Variants in GAK observed in about 807,000 individuals in gnomAD.
GAK encodes cyclin G associated kinase, also known as cyclin-G-associated kinase.
A neutral mutation model predicts 143.9 loss-of-function variants in GAK; 79 were observed. The ratio of observed to expected loss-of-function variants is 0.55; its 90% CI spans 0.46 to 0.66. The LOEUF (loss-of-function observed/expected upper bound fraction) is 0.66. Ranked by LOEUF, GAK falls within the 30% of genes least tolerant of loss-of-function variation. The pLI is 0.00. For missense variants in GAK, 1,693 were observed against 1,779.7 expected (o/e 0.95, Z 0.88); for synonymous variants, 881 against 765.5 (o/e 1.15, Z -2.49).
intron 14 of GAK, 46 bp downstream of exon 14, chr4:882,651 T>C (rs1187353740): frequency 1.3e-6 from 2 of 1,599,340 alleles, no homozygotes; most frequent in Non-Finnish European, 1.7e-6. Flanking sequence ...CATGAAATAA[T>C]GAACTTTGAC....
intron 11 of GAK, chr4:886,337 C>T (rs1463986199): frequency 1.3e-5 from 2 of 152,200 alleles, no homozygotes; most frequent in African/African-American, 4.8e-5. Context: ...CCATGGGTCC[C>T]AGCAGAGCCA....
At chr4:927,997 T>C (rs912180479) in intron 1 of GAK, among the ~76,000 whole-genome samples, 2 of 152,224 alleles carry the variant, frequency 1.3e-5, no homozygotes, top group Non-Finnish European at 2.9e-5. Flanking sequence ...GCTGGTGCCC[T>C]CAGTCACAAG....
chr4:855,180 C>G (rs1335019051), intron 24 of GAK, among the ~76,000 whole-genome samples: 2 of 152,158 alleles, frequency 1.3e-5, no homozygotes, highest in East Asian at 1.9e-4. Context: ...CACAGGAGAA[C>G]GGCCACCTTA....
chr4:887,959 A>G (rs1716862710), intron 11 of GAK: 1 of 152,304 alleles, frequency 6.6e-6, no homozygotes, highest in Non-Finnish European at 1.5e-5. Flanking sequence ...TCACATGCAC[A>G]CATGCTCAAA....
intron 18 of GAK, among the ~76,000 whole-genome samples, chr4:874,494 C>G (rs1288966874): frequency 6.6e-6 from 1 of 152,064 alleles, no homozygotes; most frequent in Non-Finnish European, 1.5e-5. Flanking sequence ...ATATAGAATT[C>G]CCGTATTTTT....
chr4:931,848 C>T (rs928425579), intron 1 of GAK, among the ~76,000 whole-genome samples, 195 bp downstream of exon 1: 2 of 152,186 alleles, frequency 1.3e-5, no homozygotes, highest in African/African-American at 4.8e-5. Flanking sequence ...CTCACCTACG[C>T]CCGCGCTATG....
At chr4:914,838 A>C (rs1412301539) in intron 1 of GAK, among the ~76,000 whole-genome samples, 12 of 67,680 alleles carry the variant, frequency 1.8e-4, no homozygotes, top group African/African-American at 3.0e-4. Context: ...CACGGCCCCC[A>C]ACACAGATAG....
At chr4:893,612 G>C (rs1485648928) in intron 8 of GAK, 123 bp from the exon 9 acceptor site, 3 of 743,766 alleles carry the variant, frequency 4.0e-6, no homozygotes, top group Non-Finnish European at 6.2e-6. Context: ...GACGTCAGAA[G>C]CAAGAAGGGA....
chr4:902,994 C>T (rs1004651482), intron 5 of GAK, among the ~76,000 whole-genome samples: 1 of 152,212 alleles, frequency 6.6e-6, no homozygotes, highest in African/African-American at 2.4e-5. Flanking sequence ...ACCAGGCCAG[C>T]CAAAATCAAC....
rs112677741 is a variant in GAK, at chr4:854,018, G to A, written c.3284-2044C>T. ...TCTCCATGTTGGTCAGGCTGGTCGC[G>A]AACTCCCGACCTCAGGTGATCCGCC... On this transcript the variant is annotated intron_variant, in intron 24 of 27. Coordinates refer to ENST00000314167, the MANE Select transcript of GAK (RefSeq NM_005255.4). 6.6e-5 allele frequency among the ~76,000 whole-genome samples: 10 copies of A among 151,824 alleles called. No individual in the cohort carries two copies. The East Asian group carries it at 1.6e-3, about 24-fold the overall frequency.
chr4:849,833 G>GGGGGGGGGCCC, intron 27 of GAK, 59 bp from the exon 28 acceptor site: 3 of 1,190,154 alleles, frequency 2.5e-6, no homozygotes, highest in Non-Finnish European at 3.5e-6. Flanking sequence ...GGCGGGGCAG[G>GGGGGGGGGCCC]ACCCCCCCCC....
chr4:877,134 T>G lies in GAK; in HGVS notation c.1930A>C (p.Ile644Leu). The G allele has an allele frequency of 6.2e-7, 1 of 1,613,950 alleles. No individual in the cohort carries two copies. The highest frequency in any genetic ancestry group is 1.3e-5 in the African/African-American group (1 of 75,012). Residue 644 changes from isoleucine to leucine, a missense_variant, in exon 17 of 28, where the codon ATC becomes CTC. Around this residue, in one of 2 missense-constraint regions of GAK, gnomAD observed 871 missense variants for 991.0 expected, o/e 0.88. Transcript: ENST00000314167. Reference protein sequence around the residue: ...VTVQGDVLIVIYHARSTLGGR... With the variant: ...VTVQGDVLIVLYHARSTLGGR... ...CCCAGAGTGGACCGGGCGTGATAGA[T>G]GACGATGAGCACGTCTCCTTGCACC...
intron 18 of GAK, among the ~76,000 whole-genome samples, chr4:875,975 C>T (rs745397711): frequency 2.6e-5 from 4 of 152,218 alleles, no homozygotes; most frequent in East Asian, 1.9e-4. Flanking sequence ...AGAATCAGGA[C>T]GCCCGGGTGT....
In GAK at chr4:874,103, G is replaced by A. The variant is rs995603389; in HGVS notation, c.2054+2427C>T. ...TGGAGCTCCTGAAACACATTCACTC[G>A]GTTAATCCCCTCCTCGGCTGTGTGT... is the stretch of plus-strand genomic sequence containing the variant. On this transcript the variant is annotated intron_variant, in intron 18 of 27. Coordinates refer to ENST00000314167, the MANE Select transcript of GAK (RefSeq NM_005255.4). Among the ~76,000 whole-genome samples, 4 of 152,238 alleles carry A rather than the reference G, an allele frequency of 2.6e-5. No homozygotes were observed. In the South Asian group the frequency reaches 6.2e-4, roughly 24 times the overall value.
At position 849,591 on chromosome 4, in the gene GAK, C is replaced by T. The variant is rs1747689409; in HGVS notation, c.*82G>A. The T allele has an allele frequency of 1.1e-5, 12 of 1,111,508 alleles. No homozygotes were observed. The highest frequency in any genetic ancestry group is 4.0e-5 in the Admixed American group (2 of 49,942). 68.9% of individuals were successfully genotyped at this position (1,111,508 alleles called of 1,614,324 possible). On this transcript the variant is annotated 3_prime_UTR_variant, in exon 28 of 28. Coordinates refer to ENST00000314167, the MANE Select transcript of GAK (RefSeq NM_005255.4). ...CCCTGGCCACACCTGCTGTCGCCCA[C>T]GGGGTCCTCACGGTGGGGACCCAGG...
rs1040122678 is a variant in GAK, at chr4:899,493, C to T, written c.526-1335G>A. ...GGACGGAAGGTGCTCGGCATGCACGCGGTCAGTATGGGCTCACACAGGCAG... is the reference window on the plus strand; with the variant it reads ...GGACGGAAGGTGCTCGGCATGCACGTGGTCAGTATGGGCTCACACAGGCAG... On this transcript the variant is annotated intron_variant, in intron 5 of 27. Transcript: ENST00000314167. Among the ~76,000 whole-genome samples, 4 of 152,150 alleles carry T rather than the reference C, an allele frequency of 2.6e-5. No individual in the cohort carries two copies. The East Asian group carries it at 5.8e-4, about 22-fold the overall frequency.
At chr4:854,863 G>C (rs1354546024) in intron 24 of GAK, among the ~76,000 whole-genome samples, 1 of 152,170 alleles carries the variant, frequency 6.6e-6, no homozygotes, top group Non-Finnish European at 1.5e-5. Flanking sequence ...GACTAACACG[G>C]TGAAACCCCA....
chr4:926,027 T>C (rs1218379230), intron 1 of GAK, among the ~76,000 whole-genome samples: 2 of 151,686 alleles, frequency 1.3e-5, no homozygotes, highest in African/African-American at 4.9e-5. Context: ...TCCCCAACAG[T>C]GACCTCCCCG....
At position 849,874 on chromosome 4, in the gene GAK, C is replaced by T. The variant is rs1194106865; in HGVS notation, c.3834+18G>A. On this transcript the variant is annotated intron_variant, in intron 27 of 27. Coordinates refer to ENST00000314167, the MANE Select transcript of GAK (RefSeq NM_005255.4). ...CGCCCCTGAAGGCCTCAAGCGGCCG[C>T]CTGGCAGCTCTGCTCACCTTGTCGG... 1.9e-6 allele frequency: 3 copies of T among 1,565,960 alleles called. No individual in the cohort carries two copies. The highest frequency in any genetic ancestry group is 2.6e-6 in the Non-Finnish European group (3 of 1,148,266).
Sources: allele counts gnomAD v4.1 joint callset (sites outside exome capture counted in the v4.1 genomes callset), GRCh38; gene constraint gnomAD v4.1.1; regional missense constraint gnomAD v4.1.1; transcripts MANE v1.5; gene names NCBI Gene and HGNC (gene_info 2026-07-23, HGNC 2026-07-21).